The following FBN3 variants were observed in gnomAD, a reference collection of about 807,000 sequenced individuals.
FBN3 encodes fibrillin-3.
A neutral mutation model predicts 330.1 loss-of-function variants in FBN3; 234 were observed. The ratio of observed to expected loss-of-function variants is 0.71; its 90% CI spans 0.64 to 0.79. FBN3 has a LOEUF of 0.79. FBN3 is among the 30% of genes least tolerant of loss of function. The pLI is 0.00. For synonymous variants in FBN3, 1,458 were observed against 1,517.3 expected (o/e 0.96, Z 0.91); for missense variants, 3,606 against 3,886.9 (o/e 0.93, Z 1.92).
At chr19:8,117,781 C>T (rs1263177351) in intron 26 of FBN3, among the ~76,000 whole-genome samples, 192 bp from the exon 27 acceptor site, 1 of 152,082 alleles carries the variant, frequency 6.6e-6, no homozygotes, top group African/African-American at 2.4e-5. Context: ...AGCACAGACA[C>T]CCATATACAC....
In FBN3 at chr19:8,117,506, G is replaced by A. The variant is rs2144869629; in HGVS notation, c.3421C>T (p.His1141Tyr). Reference protein sequence around the residue: ...NVIGAFQCSCHAGFQSTPDRQ... With the variant: ...NVIGAFQCSCYAGFQSTPDRQ... ...TCAGGTGTGCTCTGGAAGCCGGCAT[G>A]GCAGGAGCACTGGAAGGCACCGATG... is the stretch of plus-strand genomic sequence containing the variant. The change falls in exon 27 of 64, where the codon CAT becomes TAT. Residue 1141 changes from histidine (H) to tyrosine (Y), a missense_variant. His to Tyr is a moderately conservative substitution (Grantham distance 83). Transcript: ENST00000600128. 6.4e-7 allele frequency: 1 copy of A among 1,559,774 alleles called. No homozygotes were observed. Among genetic ancestry groups the A allele is most frequent in the Middle Eastern group, 1.7e-4 (1 of 5,992 alleles).
In FBN3 at chr19:8,149,524, G is replaced by A. The variant is rs987217091; in HGVS notation, c.-93C>T. The A allele has an allele frequency of 2.6e-5, 4 of 151,948 alleles. No homozygotes were observed. Among genetic ancestry groups the A allele is most frequent in the Admixed American group, 2.6e-4 (4 of 15,254 alleles). 9.4% of individuals were successfully genotyped at this position (151,948 alleles called of 1,614,324 possible). A position where few individuals can be genotyped will look rare whatever the true frequency, so the allele number is the denominator to read the frequency against. On this transcript the variant is annotated 5_prime_UTR_variant, in exon 1 of 64. Coordinates refer to ENST00000600128, the MANE Select transcript of FBN3 (RefSeq NM_032447.5). This position sits in a 1 kb window ranked among gnomAD's most constrained non-coding sequence, Gnocchi z 5.5. ...TCAGCGCTGCAGGGCGGGCTCCTGC[G>A]GCGCCGGGGACCCGGGGCGGGAACG... is the stretch of plus-strand genomic sequence containing the variant.
intron 53 of FBN3, among the ~76,000 whole-genome samples, chr19:8,087,567 C>T (rs776014607): frequency 8.2e-5 from 12 of 146,898 alleles, no homozygotes; most frequent in Admixed American, 1.4e-4. Flanking sequence ...AAGTTCTTTG[C>T]GGTGGGCGGC....
In FBN3 at chr19:8,109,732, G is replaced by A; in HGVS notation, c.4355C>T (p.Pro1452Leu). The change falls in exon 35 of 64, where the codon CCA (proline) becomes CTA (leucine). Residue 1452 changes from proline to leucine, a missense_variant. Transcript: ENST00000600128. This position sits in a 1 kb window ranked among gnomAD's most constrained non-coding sequence, Gnocchi z 5.2. ...GCACACGCCGTTGATGCAGTTTACT[G>A]GGTCTGCACACTCGTTGATGTCTGT... ...NCTDINECAD[P>L]VNCINGVCIN... 1 of 1,528,168 alleles carries A rather than the reference G, an allele frequency of 6.5e-7. No homozygotes were observed. The highest frequency in any genetic ancestry group is 8.8e-7 in the Non-Finnish European group (1 of 1,138,058). 94.7% of individuals were successfully genotyped at this position (1,528,168 alleles called of 1,614,324 possible). A position where few individuals can be genotyped will look rare whatever the true frequency, so the allele number is the denominator to read the frequency against.
chr19:8,119,512 C>T (rs1035502346), intron 25 of FBN3, among the ~76,000 whole-genome samples: 1 of 152,014 alleles, frequency 6.6e-6, no homozygotes, highest in East Asian at 1.9e-4. Context: ...TCTTTCTTTC[C>T]TTTTGTTGTT....
intron 1 of FBN3, 196 bp from the exon 2 acceptor site, chr19:8,147,693 GA>G: frequency 2.2e-6 from 1 of 457,206 alleles, no homozygotes; most frequent in South Asian, 5.7e-5. Context: ...TGATGTTAGA[GA>G]AGGGTCTTGG....
intron 59 of FBN3, among the ~76,000 whole-genome samples, chr19:8,077,342 T>C (rs928843403): frequency 5.9e-5 from 9 of 152,310 alleles, no homozygotes; most frequent in African/African-American, 2.2e-4. Flanking sequence ...TATGGAGATG[T>C]AGAGTCTCTC....
intron 63 of FBN3, among the ~76,000 whole-genome samples, chr19:8,066,582 G>A (rs2081395850): frequency 6.6e-6 from 1 of 152,022 alleles, no homozygotes; most frequent in African/African-American, 2.4e-5. Context: ...AGAGAGGGAG[G>A]GAGACAAGAG....
rs763941825 is a variant in FBN3, at chr19:8,136,106, G to C, written c.1466-20C>G. On this transcript the variant is annotated intron_variant, in intron 12 of 63. Coordinates refer to ENST00000600128, the MANE Select transcript of FBN3 (RefSeq NM_032447.5). ...CCACATCTGCGGGGAAGGCAGGCGGGCAGTCAAGAGGTGCTCCCCACCCTC... is the reference window on the plus strand; with the variant it reads ...CCACATCTGCGGGGAAGGCAGGCGGCCAGTCAAGAGGTGCTCCCCACCCTC... 3.1e-6 allele frequency: 5 copies of C among 1,612,984 alleles called. No homozygotes were observed. The highest frequency in any genetic ancestry group is 4.2e-6 in the Non-Finnish European group (5 of 1,179,428).
chr19:8,096,086 G>A lies in FBN3; in HGVS notation c.5540-6C>T. On this transcript the variant is annotated splice_polypyrimidine_tract_variant and splice_region_variant and intron_variant, in intron 44 of 63. Transcript: ENST00000600128. The surrounding 1 kb of genome is among the most constrained non-coding windows in gnomAD (Gnocchi z 4.6). Reference sequence around the variant, plus strand: ...CCGGTCACACTCGTCAATGTCTGCAGAAGCAAAGCCGAGAGCCCAACCCAG... The same window carrying A: ...CCGGTCACACTCGTCAATGTCTGCAAAAGCAAAGCCGAGAGCCCAACCCAG... 1 of 1,610,668 alleles carries A rather than the reference G, an allele frequency of 6.2e-7. No homozygotes were observed. The highest frequency in any genetic ancestry group is 1.1e-5 in the South Asian group (1 of 91,000).
chr19:8,109,625 A>ACT lies in FBN3; in HGVS notation c.4456+4_4456+5dup. ...AACCCTGATCTGGAGTTGAGCATGG[A>ACT]CTCACCCACGCAGCCCACTCCGCTG... On this transcript the variant is annotated splice_donor_region_variant and intron_variant, in intron 35 of 63. Transcript: ENST00000600128. The surrounding 1 kb of genome is among the most constrained non-coding windows in gnomAD (Gnocchi z 5.2). 1 of 1,592,862 alleles carries ACT rather than the reference A, an allele frequency of 6.3e-7. No homozygotes were observed. The highest frequency in any genetic ancestry group is 1.1e-5 in the South Asian group (1 of 87,480).
In FBN3 at chr19:8,126,723, G is replaced by A. The variant is rs201001245; in HGVS notation, c.2406C>T (p.Thr802=). The change falls in exon 19 of 64, where the codon ACC becomes ACT. Residue 802 remains threonine, a synonymous_variant. Coordinates refer to ENST00000600128, the MANE Select transcript of FBN3 (RefSeq NM_032447.5). ...TCCGGGGCCGCTCACCTAGACAGAA[G>A]GTACCAGAGGGGTCCAGCCGGCTGC... ...GPGSRLDPSG[T]FCLDSTKGTC... 41 of 1,583,066 alleles carry A rather than the reference G, an allele frequency of 2.6e-5. No individual in the cohort carries two copies. The highest frequency in any genetic ancestry group is 1.7e-4 in the Middle Eastern group (1 of 5,866).
Position 8,071,925 on chromosome 19 carries a change from G to A in FBN3, c.8088+123C>T, listed in dbSNP as rs571339296. 181 of 993,044 alleles carry A rather than the reference G, an allele frequency of 1.8e-4. 1 individual carries two copies. In the South Asian group the frequency reaches 2.8e-3, roughly 16 times the overall value. The allele number at this position is 993,044 out of a possible 1,614,324, so 61.5% of individuals were successfully genotyped here. A position where few individuals can be genotyped will look rare whatever the true frequency, so the allele number is the denominator to read the frequency against. Reference sequence around the variant, plus strand: ...GCCGGCACCATGACATGGGGAACCTGTTGGGATCTGGAGCCTGGTGCTCCT... The same window carrying A: ...GCCGGCACCATGACATGGGGAACCTATTGGGATCTGGAGCCTGGTGCTCCT... On this transcript the variant is annotated intron_variant, in intron 63 of 63. Transcript: ENST00000600128.
At position 8,136,091 on chromosome 19, in the gene FBN3, G is replaced by A. The variant is rs201975904; in HGVS notation, c.1466-5C>T. 2.1e-4 allele frequency: 333 copies of A among 1,613,750 alleles called. No individual in the cohort carries two copies. The African/African-American group carries it at 2.8e-3, about 14-fold the overall frequency. The stretch of plus-strand genomic sequence containing the variant: ...TGACAATGCACTCGTCCACATCTGC[G>A]GGGAAGGCAGGCGGGCAGTCAAGAG... On this transcript the variant is annotated splice_region_variant and splice_polypyrimidine_tract_variant and intron_variant, in intron 12 of 63. Coordinates refer to ENST00000600128, the MANE Select transcript of FBN3 (RefSeq NM_032447.5).
intron 38 of FBN3, among the ~76,000 whole-genome samples, chr19:8,104,519 C>T (rs534081225): frequency 6.6e-6 from 1 of 151,716 alleles, no homozygotes; most frequent in East Asian, 1.9e-4. Flanking sequence ...GATGATACTG[C>T]TTCTATTAGG....
intron 1 of FBN3, 152 bp from the exon 2 acceptor site, chr19:8,147,649 G>T (rs140376515): frequency 0.023 from 12,286 of 541,510 alleles, 178 homozygotes; most frequent in Non-Finnish European, 0.028. Context: ...CCGGGAAGCG[G>T]TGAACAGTCA....
chr19:8,096,783 T>G lies in FBN3; in HGVS notation c.5413+98A>C. ...TACATCCCCCACCCCCCTAATAGTATAGAAAAGGAGAAAGACCTGGACAGA... is the reference window on the plus strand; with the variant it reads ...TACATCCCCCACCCCCCTAATAGTAGAGAAAAGGAGAAAGACCTGGACAGA... On this transcript the variant is annotated intron_variant, in intron 43 of 63. Transcript: ENST00000600128. This position sits in a 1 kb window ranked among gnomAD's most constrained non-coding sequence, Gnocchi z 4.6. 1 of 1,416,932 alleles carries G rather than the reference T, an allele frequency of 7.1e-7. No homozygotes were observed. Among genetic ancestry groups the G allele is most frequent in the Non-Finnish European group, 9.6e-7 (1 of 1,037,752 alleles). 87.8% of individuals were successfully genotyped at this position (1,416,932 alleles called of 1,614,324 possible). A position where few individuals can be genotyped will look rare whatever the true frequency, so the allele number is the denominator to read the frequency against.
rs1229699667 is a variant in FBN3, at chr19:8,109,924, C to T, written c.4334-171G>A. On this transcript the variant is annotated intron_variant, in intron 34 of 63. Transcript: ENST00000600128. This position sits in a 1 kb window ranked among gnomAD's most constrained non-coding sequence, Gnocchi z 5.2. ...AGAAACCTAAGGGGACAGGAGCCTC[C>T]AGTCTGTCCTGTCCCCTCCAACCCC... 6.6e-6 allele frequency among the ~76,000 whole-genome samples: 1 copy of T among 152,190 alleles called. No homozygotes were observed. The highest frequency in any genetic ancestry group is 2.4e-5 in the African/African-American group (1 of 41,444).
chr19:8,128,995 T>C (rs759517268), intron 18 of FBN3, 33 bp downstream of exon 18: 57 of 1,592,654 alleles, frequency 3.6e-5, no homozygotes, highest in Non-Finnish European at 4.6e-5. Flanking sequence ...CATATGTGTG[T>C]GTGCAAACCC....
Sources: gnomAD v4.1 joint callset for allele counts (sites outside exome capture counted in the v4.1 genomes callset) on GRCh38, gnomAD v4.1.1 for gene constraint, Gnocchi (gnomAD v3.1) non-coding constraint, MANE v1.5 for transcripts, NCBI Gene and HGNC (gene_info 2026-07-23, HGNC 2026-07-21) for gene names.